Variants in KIAA0825 observed in about 807,000 individuals in gnomAD.
The protein encoded by KIAA0825 is uncharacterized protein KIAA0825.
A neutral mutation model predicts 147.6 loss-of-function variants in KIAA0825; 119 were observed. That is an observed-to-expected ratio of 0.81 (90% CI 0.69 to 0.94). The LOEUF is 0.94. Among genes scored for constraint, KIAA0825 ranks in the 40% least tolerant of loss-of-function variants. The pLI is 0.00. For missense variants in KIAA0825, 1,381 were observed against 1,472.7 expected (o/e 0.94, Z 1.02); for synonymous variants, 470 against 518.1 (o/e 0.91, Z 1.26).
intron 18 of KIAA0825, among the ~76,000 whole-genome samples, chr5:94,390,098 G>T (rs1242646011): frequency 1.3e-5 from 2 of 152,164 alleles, no homozygotes; most frequent in Non-Finnish European, 2.9e-5. Context: ...ACAGCCTTTG[G>T]CTTTCCAGAG....
At chr5:94,390,393 C>T (rs1159506046) in intron 18 of KIAA0825, among the ~76,000 whole-genome samples, 1 of 152,198 alleles carries the variant, frequency 6.6e-6, no homozygotes, top group Non-Finnish European at 1.5e-5. Flanking sequence ...CATCACTTTG[C>T]AATAGAGGTC....
intron 14 of KIAA0825, among the ~76,000 whole-genome samples, chr5:94,426,083 A>G (rs1754843900): frequency 6.6e-6 from 1 of 150,946 alleles, no homozygotes; most frequent in Non-Finnish European, 1.5e-5. Flanking sequence ...GTTGCCCAGG[A>G]TAGTCTTGAA....
chr5:94,580,903 A>ATGCAT, intron 2 of KIAA0825, among the ~76,000 whole-genome samples: 1 of 32,900 alleles, frequency 3.0e-5, no homozygotes. Flanking sequence ...AAAAAAAAAA[A>ATGCAT]AAAAAAAAAA....
rs572231781 is a variant in KIAA0825, at chr5:94,396,455, G to A, written c.2942C>T (p.Thr981Met). 130 of 1,536,794 alleles carry A rather than the reference G, an allele frequency of 8.5e-5. No homozygotes were observed. The highest frequency in any genetic ancestry group is 5.1e-4 in the Middle Eastern group (3 of 5,926). The stretch of plus-strand genomic sequence containing the variant: ...TGGGGGAGGCAAACATGCAATCACC[G>A]TAGGTAACTTGCTGATTACAATAGA... ...AVSIVISKLP[T>M]VIACLPPPVK... The change falls in exon 17 of 21, where the codon ACG becomes ATG. Residue 981 changes from threonine (T) to methionine (M), a missense_variant. Coordinates refer to ENST00000682413, the MANE Select transcript of KIAA0825 (RefSeq NM_001145678.3).
intron 20 of KIAA0825, among the ~76,000 whole-genome samples, chr5:94,242,585 T>C (rs1198505254): frequency 6.6e-6 from 1 of 151,810 alleles, no homozygotes; most frequent in East Asian, 1.9e-4. Context: ...TTCCTTTTTT[T>C]CTTTCCTTCT....
intron 13 of KIAA0825, among the ~76,000 whole-genome samples, chr5:94,442,502 A>T (rs939420305): frequency 1.3e-5 from 2 of 152,178 alleles, no homozygotes; most frequent in Non-Finnish European, 1.5e-5. Flanking sequence ...TTTGCAGATT[A>T]GTCTGGGTCT....
chr5:94,474,397 A>C (rs1018357874), intron 7 of KIAA0825, among the ~76,000 whole-genome samples: 1 of 152,158 alleles, frequency 6.6e-6, no homozygotes, highest in African/African-American at 2.4e-5. Flanking sequence ...GTTTACAGTA[A>C]CGTGCCACCT....
At chr5:94,341,881 A>C (rs1782427947) in intron 20 of KIAA0825, among the ~76,000 whole-genome samples, 1 of 151,910 alleles carries the variant, frequency 6.6e-6, no homozygotes, top group Admixed American at 6.6e-5. Context: ...GGAAATAAAG[A>C]CTCCCCTCAT....
At chr5:94,512,616 CAG>C (rs1396537155) in intron 5 of KIAA0825, among the ~76,000 whole-genome samples, 1 of 146,054 alleles carries the variant, frequency 6.8e-6, no homozygotes, top group Non-Finnish European at 1.5e-5. Flanking sequence ...AAAAAAAAGG[CAG>C]AGTGTGGTGG....
At chr5:94,356,373 C>T (rs1784251917) in intron 20 of KIAA0825, among the ~76,000 whole-genome samples, 1 of 151,680 alleles carries the variant, frequency 6.6e-6, no homozygotes, top group East Asian at 2.0e-4. Context: ...TTTGGGAGGC[C>T]GAAGTGGGCG....
At chr5:94,503,238 A>G (rs1765304274) in intron 5 of KIAA0825, among the ~76,000 whole-genome samples, 1 of 151,976 alleles carries the variant, frequency 6.6e-6, no homozygotes, top group Non-Finnish European at 1.5e-5. Context: ...CCCTTTTCAC[A>G]TAATCTCCTA....
At chr5:94,542,674 G>C (rs1773570905) in intron 2 of KIAA0825, among the ~76,000 whole-genome samples, 1 of 152,054 alleles carries the variant, frequency 6.6e-6, no homozygotes, top group Non-Finnish European at 1.5e-5. Flanking sequence ...GAGCATGATG[G>C]TGGGTGCCTG....
At chr5:94,535,341 CT>C (rs1163544604) in intron 3 of KIAA0825, among the ~76,000 whole-genome samples, 1 of 151,810 alleles carries the variant, frequency 6.6e-6, no homozygotes, top group Non-Finnish European at 1.5e-5. Flanking sequence ...GAAACCCTGT[CT>C]GTACCAAAAA....
intron 5 of KIAA0825, among the ~76,000 whole-genome samples, chr5:94,500,239 A>C (rs1764902132): frequency 6.6e-6 from 1 of 152,162 alleles, no homozygotes; most frequent in African/African-American, 2.4e-5. Context: ...TAAATAGGGG[A>C]GTAAAGTGTA....
At chr5:94,465,827 T>C (rs1401655477) in intron 10 of KIAA0825, among the ~76,000 whole-genome samples, 1 of 152,234 alleles carries the variant, frequency 6.6e-6, no homozygotes. Flanking sequence ...GAATTAACAA[T>C]GGCCAAGGCC....
chr5:94,336,203 C>G (rs1781771789), intron 20 of KIAA0825, among the ~76,000 whole-genome samples: 2 of 151,758 alleles, frequency 1.3e-5, no homozygotes, highest in African/African-American at 4.8e-5. Context: ...AACCCTGTCT[C>G]TACTAATAGC....
At chr5:94,237,725 C>T (rs982073302) in intron 20 of KIAA0825, among the ~76,000 whole-genome samples, 4 of 152,050 alleles carry the variant, frequency 2.6e-5, no homozygotes, top group South Asian at 2.1e-4. Context: ...ATGCTTTGCC[C>T]GTAATAGGTA....
intron 20 of KIAA0825, among the ~76,000 whole-genome samples, chr5:94,350,342 A>C (rs1163785096): frequency 6.6e-6 from 1 of 152,198 alleles, no homozygotes; most frequent in Non-Finnish European, 1.5e-5. Context: ...GCAGAATTCT[A>C]TCAGATATTC....
At chr5:94,156,617 T>C (rs575476986) in intron 20 of KIAA0825, among the ~76,000 whole-genome samples, 2 of 152,290 alleles carry the variant, frequency 1.3e-5, no homozygotes, top group East Asian at 3.9e-4. Context: ...ATAGAATCCA[T>C]GATAAGGATT....
Sources: gnomAD v4.1 joint callset for allele counts (sites outside exome capture counted in the v4.1 genomes callset) on GRCh38, gnomAD v4.1.1 for gene constraint, MANE v1.5 for transcripts, NCBI Gene and HGNC (gene_info 2026-07-23, HGNC 2026-07-21) for gene names.